Variants in EMB observed in about 807,000 individuals in gnomAD.
EMB encodes embigin homolog.
In EMB, 31 loss-of-function variants were observed where a neutral mutation model predicts 41.4. The observed-to-expected ratio is 0.75, with a 90% CI of 0.56 to 1.01. The LOEUF (loss-of-function observed/expected upper bound fraction) is 1.01. Ranked by LOEUF, EMB falls within the 50% of genes least tolerant of loss-of-function variation. The pLI, the probability that EMB is intolerant of heterozygous loss-of-function variation, is 0.00. For missense variants in EMB, 379 were observed against 388.3 expected, an observed-to-expected ratio of 0.98 and a Z score of 0.20; for synonymous variants, 137 against 140.4, an observed-to-expected ratio of 0.98 and a Z score of 0.17.
At chr5:50,438,890 A>C (rs1022873223) in intron 1 of EMB, among the ~76,000 whole-genome samples, 6 of 145,764 alleles carry the variant, frequency 4.1e-5, no homozygotes, top group Admixed American at 2.7e-4. Context: ...TTCCACTTTC[A>C]TTTGTTTCCT....
Position 50,411,325 on chromosome 5 carries a change from A to T in EMB, c.255T>A (p.Asn85Lys), listed in dbSNP as rs767377804. The T allele has an allele frequency of 6.2e-6, 10 of 1,612,738 alleles. No homozygotes were observed. Among genetic ancestry groups the T allele is most frequent in the Non-Finnish European group, 7.6e-6 (9 of 1,179,332 alleles). Reference sequence around the variant, plus strand: ...CAGATGTTGTGAACTGGCATGTGAGATTTACATTAGAAGGCCTTTCTAAAG... The same window carrying T: ...CAGATGTTGTGAACTGGCATGTGAGTTTTACATTAGAAGGCCTTTCTAAAG... ...NITLERPSNV[N>K]LTCQFTTSGD... The change falls in exon 3 of 9, where the codon AAT becomes AAA. Residue 85 changes from asparagine (N) to lysine (K), a missense_variant. Transcript: ENST00000303221.
intron 1 of EMB, among the ~76,000 whole-genome samples, chr5:50,440,533 C>CAAAAAAAAA (rs70972912): frequency 1.2e-4 from 7 of 60,054 alleles, no homozygotes; most frequent in African/African-American, 4.1e-4. Context: ...AACTCCGTCT[C>CAAAAAAAAA]AAAAAAAAAA....
At chr5:50,440,607 C>T (rs1438527744) in intron 1 of EMB, among the ~76,000 whole-genome samples, 1 of 149,878 alleles carries the variant, frequency 6.7e-6, no homozygotes, top group Non-Finnish European at 1.5e-5. Context: ...GGAGGTGATA[C>T]TCGAGCCTTA....
intron 1 of EMB, among the ~76,000 whole-genome samples, chr5:50,432,889 C>A (rs528419301): frequency 3.3e-5 from 5 of 151,922 alleles, no homozygotes; most frequent in South Asian, 2.1e-4. Flanking sequence ...CCAGCCTGGC[C>A]AGCATGGTGA....
Position 50,440,306 on chromosome 5 carries a change from G to A in EMB, c.112+734C>T, listed in dbSNP as rs142157413. ...CCCAGCACTTTGGGAGGCCGAAGCG[G>A]GCGGATCACCTCAGGTTGGGAGTTC... is the stretch of plus-strand genomic sequence containing the variant. On this transcript the variant is annotated intron_variant, in intron 1 of 8. Coordinates refer to ENST00000303221, the MANE Select transcript of EMB (RefSeq NM_198449.3). 6.8e-4 allele frequency among the ~76,000 whole-genome samples: 103 copies of A among 152,212 alleles called. 1 individual carries two copies. Among genetic ancestry groups the A allele is most frequent in the Middle Eastern group, 3.4e-3 (1 of 294 alleles).
intron 1 of EMB, among the ~76,000 whole-genome samples, chr5:50,435,623 AT>A (rs1251710223): frequency 2.0e-5 from 3 of 152,074 alleles, no homozygotes; most frequent in African/African-American, 7.2e-5. Context: ...ATGGCATACC[AT>A]TTTTTTGGTC....
chr5:50,407,022 T>C (rs1444476599), intron 4 of EMB, among the ~76,000 whole-genome samples: 4 of 152,084 alleles, frequency 2.6e-5, no homozygotes, highest in South Asian at 2.1e-4. Context: ...TCAACAGCCC[T>C]GTTAGGCTCA....
chr5:50,406,191 A>T (rs1031578116), intron 4 of EMB, among the ~76,000 whole-genome samples: 1 of 151,812 alleles, frequency 6.6e-6, no homozygotes, highest in Non-Finnish European at 1.5e-5. Flanking sequence ...CCACCTACTA[A>T]GTTACCTTAG....
chr5:50,399,668 T>C (rs1745128210), intron 8 of EMB, among the ~76,000 whole-genome samples, 191 bp downstream of exon 8: 2 of 152,040 alleles, frequency 1.3e-5, no homozygotes, highest in Admixed American at 1.3e-4. Flanking sequence ...ATGTGCCCTC[T>C]GGTGGAAAAT....
intron 3 of EMB, 21 bp downstream of exon 3, chr5:50,411,176 G>A (rs758125024): frequency 7.0e-6 from 11 of 1,566,044 alleles, no homozygotes; most frequent in Non-Finnish European, 8.7e-6. Flanking sequence ...GAGCAAGGTA[G>A]GTTAAAATTT....
intron 6 of EMB, among the ~76,000 whole-genome samples, chr5:50,402,558 A>G (rs1242341077): frequency 2.0e-5 from 3 of 151,916 alleles, no homozygotes; most frequent in African/African-American, 7.2e-5. Flanking sequence ...ATGACTGCTT[A>G]GTTTGTCATT....
At chr5:50,407,512 C>T (rs1228432421) in intron 4 of EMB, among the ~76,000 whole-genome samples, 1 of 151,990 alleles carries the variant, frequency 6.6e-6, no homozygotes, top group Non-Finnish European at 1.5e-5. Flanking sequence ...ATTCTGTTTT[C>T]TTGCCATCTC....
chr5:50,399,440 T>C (rs1345062457), intron 8 of EMB, 150 bp from the exon 9 acceptor site: 1 of 1,181,758 alleles, frequency 8.5e-7, no homozygotes, highest in Non-Finnish European at 1.1e-6. Flanking sequence ...GTTGATGAAC[T>C]AAAAATTTTG....
In EMB at chr5:50,427,408, T is replaced by C. The variant is rs916748461; in HGVS notation, c.196+736A>G. On this transcript the variant is annotated intron_variant, in intron 2 of 8. Transcript: ENST00000303221. The stretch of plus-strand genomic sequence containing the variant: ...AACAACCTACATGGAAATGTAACCA[T>C]TCAGTGCCCAACTCTGAGATCTAAT... Among the ~76,000 whole-genome samples, 5 of 152,014 alleles carry C rather than the reference T, an allele frequency of 3.3e-5. No individual in the cohort carries two copies. In the South Asian group the frequency reaches 8.3e-4, roughly 25 times the overall value.
chr5:50,441,930 T>C (rs913374096), upstream of EMB, among the ~76,000 whole-genome samples: 3 of 152,120 alleles, frequency 2.0e-5, no homozygotes, highest in Admixed American at 1.3e-4. Flanking sequence ...CATTGACCTT[T>C]GTTAAATCCG....
chr5:50,430,949 A>G (rs1166821674), intron 1 of EMB, among the ~76,000 whole-genome samples: 1 of 152,200 alleles, frequency 6.6e-6, no homozygotes, highest in Non-Finnish European at 1.5e-5. Flanking sequence ...ATGACAGTTG[A>G]AGGATAGGAA....
chr5:50,404,465 A>G (rs1463898665), intron 5 of EMB, among the ~76,000 whole-genome samples: 3 of 151,916 alleles, frequency 2.0e-5, no homozygotes, highest in African/African-American at 7.2e-5. Flanking sequence ...CCTGCATCCT[A>G]TTCCCCAAAC....
intron 2 of EMB, among the ~76,000 whole-genome samples, chr5:50,414,978 C>T (rs965735995): frequency 3.9e-5 from 6 of 152,128 alleles, no homozygotes; most frequent in African/African-American, 1.4e-4. Flanking sequence ...TCTTTACTTG[C>T]AAAATTAGAA....
At position 50,397,025 on chromosome 5, in the gene EMB, A is replaced by C. The variant is rs576692473; in HGVS notation, c.*2248T>G. ...TTTGGCAAAAAATGTATATGAAAGT[A>C]TCTGGGAATTTTATGCCATCATTAA... is the stretch of plus-strand genomic sequence containing the variant. On this transcript the variant is annotated 3_prime_UTR_variant, in exon 9 of 9. Coordinates refer to ENST00000303221, the MANE Select transcript of EMB (RefSeq NM_198449.3). 138 of 152,268 alleles carry C rather than the reference A, an allele frequency of 9.1e-4. 8 individuals are homozygous for C. The highest frequency in any genetic ancestry group is 2.4e-4 in the Non-Finnish European group (16 of 67,994). The allele number at this position is 152,268 out of a possible 1,614,324, so 9.4% of individuals were successfully genotyped here.
Sources: gnomAD v4.1 joint callset for allele counts (sites outside exome capture counted in the v4.1 genomes callset) on GRCh38, gnomAD v4.1.1 for gene constraint, MANE v1.5 for transcripts, NCBI Gene and HGNC (gene_info 2026-07-23, HGNC 2026-07-21) for gene names.